The following TAF15 variants were observed in gnomAD, a reference collection of about 807,000 sequenced individuals.
TAF15 encodes the protein TATA-box binding protein associated factor 15.
Under a neutral mutation model 102.5 loss-of-function variants are expected in TAF15, and 37 were observed. That is an observed-to-expected ratio of 0.36 (90% CI 0.28 to 0.47). The LOEUF (loss-of-function observed/expected upper bound fraction) is 0.47. TAF15 is among the 20% of genes least tolerant of loss of function. The probability of loss-of-function intolerance (pLI) is 0.99; values close to 1 mark genes in which losing one functional copy is unlikely to be tolerated. For synonymous variants in TAF15, 273 were observed against 259.2 expected (o/e 1.05, Z -0.51); for missense variants, 652 against 760.7 (o/e 0.86, Z 1.68).
rs554744231 is a variant in TAF15 at position 35,827,038 on chromosome 17, C to G, written c.605+2840C>G. 7.3e-5 allele frequency among the ~76,000 whole-genome samples: 11 copies of G among 151,626 alleles called. No individual in the cohort carries two copies. In the East Asian group the frequency reaches 2.1e-3, roughly 29 times the overall value. On this transcript the variant is annotated intron_variant, in intron 7 of 15. Transcript: ENST00000605844. ...GTTTTGCATTTAAGTACCAGAATAC[C>G]CAAACATTTTTCATTAGTCTTCATC...
chr17:35,820,890 A>C (rs2087250425), intron 5 of TAF15, among the ~76,000 whole-genome samples: 1 of 152,178 alleles, frequency 6.6e-6, no homozygotes, highest in South Asian at 2.1e-4. Context: ...ATGTAGGTGA[A>C]TATTTACTGA....
At chr17:35,827,290 C>T (rs924868871) in intron 7 of TAF15, among the ~76,000 whole-genome samples, 5 of 149,426 alleles carry the variant, frequency 3.3e-5, no homozygotes, top group African/African-American at 4.9e-5. Context: ...GAGCTGAGAT[C>T]GCACCACTGC....
In TAF15 at chr17:35,817,719, C is replaced by A; in HGVS notation, c.11C>A (p.Ser4Tyr). The change falls in exon 2 of 16, where the codon TCT (serine) becomes TAT (tyrosine). Residue 4 changes from serine to tyrosine, a missense_variant. By Grantham distance (144) the Ser-to-Tyr change is moderately radical. Coordinates refer to ENST00000605844, the MANE Select transcript of TAF15 (RefSeq NM_139215.3). Reference protein sequence around the residue: MSDSGSYGQSGGEQ... With the variant: MSDYGSYGQSGGEQ... ...AAATTCTTTTTATGTGTTCTAGATTCTGGAAGTTACGGTCAGTCTGGGGGT... is the reference window on the plus strand; with the variant it reads ...AAATTCTTTTTATGTGTTCTAGATTATGGAAGTTACGGTCAGTCTGGGGGT... 6.2e-7 allele frequency: 1 copy of A among 1,613,204 alleles called. No homozygotes were observed. The highest frequency in any genetic ancestry group is 8.5e-7 in the Non-Finnish European group (1 of 1,179,362).
At chr17:35,843,504 G>T (rs1321301088) in intron 12 of TAF15, among the ~76,000 whole-genome samples, 1 of 152,042 alleles carries the variant, frequency 6.6e-6, no homozygotes, top group East Asian at 1.9e-4. Context: ...TGTGGCCTTT[G>T]CATTCATATT....
chr17:35,814,010 G>T (rs1335504304), intron 1 of TAF15, among the ~76,000 whole-genome samples: 3 of 148,906 alleles, frequency 2.0e-5, no homozygotes, highest in Non-Finnish European at 3.0e-5. Flanking sequence ...TGTTGTTGTT[G>T]TTTTTGTTTT....
At chr17:35,837,816 G>A (rs4251771) in intron 10 of TAF15, among the ~76,000 whole-genome samples, 13 of 151,908 alleles carry the variant, frequency 8.6e-5, no homozygotes, top group African/African-American at 3.1e-4. Flanking sequence ...AACAGAGCGA[G>A]ACTCCACCTC....
chr17:35,844,846 G>T lies in TAF15; in HGVS notation c.1547G>T (p.Gly516Val). ...TACGGAGGAGATCGAGGAGGTTATG[G>T]AGGAGATCGAGGAGGCTATGGAGGA... ...GGYGGDRGGY[G>V]GDRGGYGGDR... is the part of the protein sequence containing the mutation. Residue 516 changes from glycine (G) to valine (V), a missense_variant, in exon 15 of 16, where the codon GGA becomes GTA. Gly to Val is a moderately radical substitution (Grantham distance 109). This residue lies in a region of TAF15 where 368 missense variants were observed against 367.5 expected (regional missense o/e 1.00). Transcript: ENST00000605844. 1 of 1,604,120 alleles carries T rather than the reference G, an allele frequency of 6.2e-7. No individual in the cohort carries two copies. The highest frequency in any genetic ancestry group is 8.5e-7 in the Non-Finnish European group (1 of 1,171,940).
At position 35,809,518 on chromosome 17, in the gene TAF15, G is replaced by C; in HGVS notation, c.-52G>C. On this transcript the variant is annotated 5_prime_UTR_variant, in exon 1 of 16. Transcript: ENST00000605844. ...CCGGCCGCCGCGCCGCCTGGCTTTCGTATTCGTTGTTCTCGGCGGGCTGTG... is the reference window on the plus strand; with the variant it reads ...CCGGCCGCCGCGCCGCCTGGCTTTCCTATTCGTTGTTCTCGGCGGGCTGTG... 6.2e-7 allele frequency: 1 copy of C among 1,611,746 alleles called. No individual in the cohort carries two copies. The highest frequency in any genetic ancestry group is 2.2e-5 in the East Asian group (1 of 44,856).
intron 7 of TAF15, among the ~76,000 whole-genome samples, chr17:35,830,906 G>T (rs1328692214): frequency 6.6e-6 from 1 of 152,208 alleles, no homozygotes; most frequent in Admixed American, 6.5e-5. Context: ...TAAGGGGACA[G>T]ACCCTTATTT....
Position 35,846,923 on chromosome 17 carries a change from A to C in TAF15, c.1757A>C (p.Asp586Ala). Residue 586 changes from aspartate (D) to alanine (A), a missense_variant, in exon 16 of 16, where the codon GAT (aspartate) becomes GCT (alanine). Around this residue, in one of 3 missense-constraint regions of TAF15, gnomAD observed 368 missense variants for 367.5 expected, o/e 1.00. Transcript: ENST00000605844. ...ATTCCTAGAAACGACTACAGAAATG[A>C]TCAGCGCAACCGACCATACTGATGA... ...KMGGRNDYRN[D>A]QRNRPY The C allele has an allele frequency of 1.2e-6, 2 of 1,614,208 alleles. No individual in the cohort carries two copies. Among genetic ancestry groups the C allele is most frequent in the Non-Finnish European group, 8.5e-7 (1 of 1,180,034 alleles).
chr17:35,824,799 C>T (rs2087306103), intron 7 of TAF15, among the ~76,000 whole-genome samples: 1 of 151,956 alleles, frequency 6.6e-6, no homozygotes, highest in African/African-American at 2.4e-5. Flanking sequence ...CTTTTTAATT[C>T]AGCTTTTCTT....
intron 7 of TAF15, chr17:35,833,466 C>G (rs1467489815): frequency 1.3e-5 from 2 of 158,510 alleles, no homozygotes; most frequent in Non-Finnish European, 2.8e-5. Context: ...TCCTAATACT[C>G]AAGTTTTTAT....
At position 35,809,497 on chromosome 17, in the gene TAF15, C is replaced by G. The variant is rs1463369201; in HGVS notation, c.-73C>G. On this transcript the variant is annotated 5_prime_UTR_variant, in exon 1 of 16. Transcript: ENST00000605844. ...CGCGCCGCCCTCAGTACAGCTCCGG[C>G]CGCCGCGCCGCCTGGCTTTCGTATT... is the stretch of plus-strand genomic sequence containing the variant. The G allele has an allele frequency of 1.2e-6, 2 of 1,605,516 alleles. No homozygotes were observed. Among genetic ancestry groups the G allele is most frequent in the Admixed American group, 3.3e-5 (2 of 59,794 alleles).
intron 1 of TAF15, among the ~76,000 whole-genome samples, chr17:35,816,026 A>G (rs964723464): frequency 2.0e-5 from 3 of 152,110 alleles, no homozygotes; most frequent in Non-Finnish European, 2.9e-5. Context: ...CAGTGGTGCA[A>G]TCATGACCCA....
chr17:35,847,014 C>T lies in TAF15; in HGVS notation c.*69C>T. 1 of 1,326,004 alleles carries T rather than the reference C, an allele frequency of 7.5e-7. No individual in the cohort carries two copies. The highest frequency in any genetic ancestry group is 1.0e-6 in the Non-Finnish European group (1 of 984,832). 82.1% of individuals were successfully genotyped at this position (1,326,004 alleles called of 1,614,324 possible). A position where few individuals can be genotyped will look rare whatever the true frequency, so the allele number is the denominator to read the frequency against. ...GAAATTGCCAGAGTTTTGCCTGCTG[C>T]TTTCCTCGTGGCCTCTTCTTGGGTA... is the stretch of plus-strand genomic sequence containing the variant. On this transcript the variant is annotated 3_prime_UTR_variant, in exon 16 of 16. Coordinates refer to ENST00000605844, the MANE Select transcript of TAF15 (RefSeq NM_139215.3).
At chr17:35,845,115 A>AT in intron 15 of TAF15, 77 bp downstream of exon 15, 1 of 1,584,952 alleles carries the variant, frequency 6.3e-7, no homozygotes, top group Non-Finnish European at 8.6e-7. Context: ...CATTTTAACA[A>AT]TTTTTTGGAA....
At chr17:35,824,232 C>T in intron 7 of TAF15, 34 bp downstream of exon 7, 2 of 1,588,480 alleles carry the variant, frequency 1.3e-6, no homozygotes, top group Admixed American at 1.8e-5. Context: ...TACATTTCTT[C>T]TTCTTCCTCT....
At chr17:35,817,665 G>T in intron 1 of TAF15, 51 bp from the exon 2 acceptor site, 1 of 1,549,698 alleles carries the variant, frequency 6.5e-7, no homozygotes, top group South Asian at 1.1e-5. Flanking sequence ...GTCAGCCTTT[G>T]AAGGAACCAT....
At chr17:35,814,758 C>T (rs982238999) in intron 1 of TAF15, among the ~76,000 whole-genome samples, 2 of 151,278 alleles carry the variant, frequency 1.3e-5, no homozygotes, top group Non-Finnish European at 2.9e-5. Flanking sequence ...GAGGCGGAGG[C>T]GGGAGAGTTG....
Sources: gnomAD v4.1 joint callset for allele counts (sites outside exome capture counted in the v4.1 genomes callset) on GRCh38, gnomAD v4.1.1 for gene constraint, gnomAD v4.1.1 regional missense constraint, MANE v1.5 for transcripts, NCBI Gene and HGNC (gene_info 2026-07-23, HGNC 2026-07-21) for gene names.